The following KCNIP1 variants were observed in gnomAD, a reference collection of about 807,000 sequenced individuals.
The protein encoded by KCNIP1 is potassium voltage-gated channel interacting protein 1.
In KCNIP1, 18 loss-of-function variants were observed where a neutral mutation model predicts 33.0. That is an observed-to-expected ratio of 0.55 (90% CI 0.38 to 0.81). KCNIP1 has a LOEUF of 0.81. Ranked by LOEUF, KCNIP1 falls within the 30% of genes least tolerant of loss-of-function variation. The pLI is 0.00. For missense variants in KCNIP1, 238 were observed against 271.6 expected (o/e 0.88, Z 0.87); for synonymous variants, 93 against 98.3 (o/e 0.95, Z 0.32).
intron 1 of KCNIP1, among the ~76,000 whole-genome samples, chr5:170,552,462 G>A (rs957323760): frequency 6.6e-6 from 1 of 152,182 alleles, no homozygotes; most frequent in Admixed American, 6.5e-5. Flanking sequence ...AGGAGGCCAC[G>A]AGGAGGGGAG....
chr5:170,364,597 T>C (rs545266727), intron 1 of KCNIP1, among the ~76,000 whole-genome samples: 8 of 152,326 alleles, frequency 5.3e-5, no homozygotes, highest in African/African-American at 1.9e-4. Context: ...CCTTGGACTC[T>C]TTCCACCAAA....
chr5:170,705,307 C>T (rs1763221963), intron 1 of KCNIP1, among the ~76,000 whole-genome samples: 1 of 152,220 alleles, frequency 6.6e-6, no homozygotes, highest in African/African-American at 2.4e-5. Flanking sequence ...GCCATCTTCT[C>T]CCTGCCTCTG....
intron 1 of KCNIP1, among the ~76,000 whole-genome samples, chr5:170,468,148 A>G (rs2040688246): frequency 6.6e-6 from 1 of 152,216 alleles, no homozygotes. Context: ...CTGTATTTAA[A>G]TAAGATTTGG....
chr5:170,495,426 A>C (rs1757292314), intron 1 of KCNIP1, among the ~76,000 whole-genome samples: 1 of 152,198 alleles, frequency 6.6e-6, no homozygotes, highest in African/African-American at 2.4e-5. Context: ...CACACAAGTC[A>C]GTGGCTGTGC....
chr5:170,470,749 G>T (rs6891322), intron 1 of KCNIP1, among the ~76,000 whole-genome samples: 35,313 of 152,166 alleles, frequency 0.23, 4,665 homozygotes, highest in African/African-American at 0.36. Flanking sequence ...ATTTTTCAGT[G>T]TTGTGATGGG....
chr5:170,570,850 C>A (rs1757381421), intron 1 of KCNIP1, among the ~76,000 whole-genome samples: 1 of 152,238 alleles, frequency 6.6e-6, no homozygotes. Context: ...AACTGAAAAT[C>A]AGCTTACCTT....
chr5:170,453,740 G>T (rs1756309626), intron 1 of KCNIP1, among the ~76,000 whole-genome samples: 1 of 152,186 alleles, frequency 6.6e-6, no homozygotes, highest in African/African-American at 2.4e-5. Context: ...TCTCCTTGCT[G>T]ACTTGACAAA....
chr5:170,655,488 T>C (rs1761223937), intron 1 of KCNIP1, among the ~76,000 whole-genome samples: 1 of 152,202 alleles, frequency 6.6e-6, no homozygotes, highest in Admixed American at 6.5e-5. Flanking sequence ...ACCAAAGAGT[T>C]TATGATGTGG....
intron 1 of KCNIP1, among the ~76,000 whole-genome samples, chr5:170,576,947 AGCTGC>A (rs1184823493): frequency 3.3e-5 from 5 of 152,102 alleles, no homozygotes; most frequent in African/African-American, 1.2e-4. Context: ...CAAAGGCGGG[AGCTGC>A]TGGCTGTGGG....
intron 1 of KCNIP1, among the ~76,000 whole-genome samples, chr5:170,421,718 T>C (rs774293704): frequency 6.6e-6 from 1 of 152,208 alleles, no homozygotes; most frequent in Non-Finnish European, 1.5e-5. Flanking sequence ...GATTTCAATA[T>C]ATGAATTTGG....
At chr5:170,555,766 G>A (rs948026141) in intron 1 of KCNIP1, among the ~76,000 whole-genome samples, 4 of 152,218 alleles carry the variant, frequency 2.6e-5, no homozygotes, top group African/African-American at 7.2e-5. Context: ...GAAATGAACT[G>A]AGATGGCATA....
At chr5:170,367,686 A>T (rs1002347869) in intron 1 of KCNIP1, among the ~76,000 whole-genome samples, 2 of 151,680 alleles carry the variant, frequency 1.3e-5, no homozygotes, top group African/African-American at 4.9e-5. Flanking sequence ...TCCATCTGTC[A>T]CTCCCTTTCC....
At chr5:170,537,067 C>T (rs1004760335) in intron 1 of KCNIP1, among the ~76,000 whole-genome samples, 2 of 152,180 alleles carry the variant, frequency 1.3e-5, no homozygotes, top group Non-Finnish European at 2.9e-5. Context: ...CGGGACACCC[C>T]CTCAGGTCCG....
At chr5:170,400,490 C>A (rs529193079) in intron 1 of KCNIP1, among the ~76,000 whole-genome samples, 1 of 152,286 alleles carries the variant, frequency 6.6e-6, no homozygotes, top group Non-Finnish European at 1.5e-5. Flanking sequence ...TCCCTCAACA[C>A]CTGGGTATTA....
At chr5:170,471,383 AG>A (rs1554094838) in intron 1 of KCNIP1, among the ~76,000 whole-genome samples, 1 of 152,202 alleles carries the variant, frequency 6.6e-6, no homozygotes, top group Non-Finnish European at 1.5e-5. Flanking sequence ...CTGTTTGGTG[AG>A]TATATTAGTC....
intron 1 of KCNIP1, among the ~76,000 whole-genome samples, chr5:170,695,332 G>A (rs1292835876): frequency 1.3e-5 from 2 of 152,182 alleles, no homozygotes; most frequent in African/African-American, 4.8e-5. Context: ...AATTTTTAAA[G>A]ATAAAAACAT....
intron 1 of KCNIP1, among the ~76,000 whole-genome samples, chr5:170,365,473 G>A (rs1018624419): frequency 2.6e-5 from 4 of 152,156 alleles, no homozygotes; most frequent in African/African-American, 4.8e-5. Flanking sequence ...TGGAGCTGGC[G>A]GGCCATTTGG....
intron 1 of KCNIP1, among the ~76,000 whole-genome samples, chr5:170,512,136 C>T (rs568552063): frequency 1.7e-4 from 26 of 152,326 alleles, no homozygotes; most frequent in South Asian, 2.1e-4. Context: ...AACATCTCTC[C>T]TCTGCTCTAA....
intron 5 of KCNIP1, 65 bp downstream of exon 5, chr5:170,722,885 A>T: frequency 1.0e-6 from 1 of 990,554 alleles, no homozygotes; most frequent in Non-Finnish European, 1.6e-6. Flanking sequence ...AACAGAAAAC[A>T]GCCCCAGGCA....
Sources: gnomAD v4.1 joint callset for allele counts (sites outside exome capture counted in the v4.1 genomes callset) on GRCh38, gnomAD v4.1.1 for gene constraint, MANE v1.5 for transcripts, NCBI Gene and HGNC (gene_info 2026-07-23, HGNC 2026-07-21) for gene names.